The following PLEKHG5 variants were observed in gnomAD, a reference collection of about 807,000 sequenced individuals.
The protein encoded by PLEKHG5 is pleckstrin homology domain-containing family G member 5.
In PLEKHG5, 52 loss-of-function variants were observed where a neutral mutation model predicts 103.8. That is an observed-to-expected ratio of 0.50 (90% CI 0.40 to 0.63). The LOEUF is 0.63. Ranked by LOEUF, PLEKHG5 falls within the 30% of genes least tolerant of loss-of-function variation. The pLI is 0.00. For missense variants in PLEKHG5, 1,205 were observed against 1,347.6 expected (o/e 0.89, Z 1.66); for synonymous variants, 592 against 575.5 (o/e 1.03, Z -0.41).
intron 19 of PLEKHG5, 48 bp downstream of exon 19, chr1:6,468,994 G>C: frequency 6.7e-7 from 1 of 1,493,126 alleles, no homozygotes; most frequent in Non-Finnish European, 9.3e-7. Flanking sequence ...TCCTGGGCTA[G>C]AGTACTTGTC....
chr1:6,496,636 C>G, upstream of PLEKHG5: 1 of 1,213,444 alleles, frequency 8.2e-7, no homozygotes, highest in Non-Finnish European at 1.1e-6. Context: ...CCACTGGCCT[C>G]CCAACCGGAG....
chr1:6,471,659 G>A, intron 11 of PLEKHG5, 22 bp from the exon 12 acceptor site: 4 of 1,569,802 alleles, frequency 2.5e-6, no homozygotes, highest in Non-Finnish European at 3.5e-6. Flanking sequence ...GGGAGGTGCG[G>A]TTGGCCACGC....
upstream of PLEKHG5, among the ~76,000 whole-genome samples, chr1:6,495,070 G>A (rs1040296577): frequency 1.3e-5 from 2 of 152,212 alleles, no homozygotes; most frequent in Admixed American, 1.3e-4. Flanking sequence ...CTGCCCAGAG[G>A]AGGGGCTGGG....
upstream of PLEKHG5, among the ~76,000 whole-genome samples, chr1:6,492,535 T>TC (rs1645165763): frequency 6.6e-6 from 1 of 152,086 alleles, no homozygotes; most frequent in African/African-American, 2.4e-5. Context: ...AGGTCTCAGA[T>TC]CCCAGGGCAG....
upstream of PLEKHG5, among the ~76,000 whole-genome samples, chr1:6,497,816 C>T (rs1358684366): frequency 6.6e-6 from 1 of 152,240 alleles, no homozygotes; most frequent in Non-Finnish European, 1.5e-5. This position sits in a 1 kb window ranked among gnomAD's most constrained non-coding sequence, Gnocchi z 6.1. Context: ...TGCCACGGCT[C>T]TTGCTGCATG....
chr1:6,489,095 G>C (rs1645095843), intron 1 of PLEKHG5, among the ~76,000 whole-genome samples: 1 of 152,194 alleles, frequency 6.6e-6, no homozygotes, highest in Non-Finnish European at 1.5e-5. Flanking sequence ...GACGGGCCTG[G>C]AACCAGGAGT....
intron 1 of PLEKHG5, among the ~76,000 whole-genome samples, chr1:6,478,962 A>C (rs990864566): frequency 2.6e-5 from 4 of 151,802 alleles, no homozygotes; most frequent in Non-Finnish European, 5.9e-5. Flanking sequence ...AAATATTTCA[A>C]ACCTACCAAA....
intron 1 of PLEKHG5, among the ~76,000 whole-genome samples, chr1:6,517,691 C>T (rs1557775268): frequency 6.6e-6 from 1 of 152,170 alleles, no homozygotes; most frequent in African/African-American, 2.4e-5. Context: ...TCGCTGTCAG[C>T]TTCATAAATC....
chr1:6,468,456 A>G lies in PLEKHG5; in HGVS notation c.2380T>C (p.Ser794Pro), dbSNP rs1644463697. Residue 794 changes from serine (S) to proline (P), a missense_variant, in exon 20 of 21, where the codon TCA becomes CCA. By Grantham distance (74) the Ser-to-Pro change is moderately conservative (BLOSUM62 -1). Transcript: ENST00000377728. ...SDETSLSTTA[S>P]SATPTSELLP... ...AGCTCACTGGTGGGCGTGGCAGATG[A>G]GGCAGTGGTGCTGAGAGAGGTCTCA... 1 of 1,612,924 alleles carries G rather than the reference A, an allele frequency of 6.2e-7. No homozygotes were observed. The highest frequency in any genetic ancestry group is 8.5e-7 in the Non-Finnish European group (1 of 1,179,868).
At position 6,474,433 on chromosome 1, in the gene PLEKHG5, G is replaced by T. The variant is rs1030548376; in HGVS notation, c.439+18C>A. The T allele has an allele frequency of 6.2e-7, 1 of 1,613,506 alleles. No homozygotes were observed. Among genetic ancestry groups the T allele is most frequent in the African/African-American group, 1.3e-5 (1 of 75,052 alleles). On this transcript the variant is annotated intron_variant, in intron 6 of 20. Transcript: ENST00000377728. The stretch of plus-strand genomic sequence containing the variant: ...CCGCCAGTCCCAGCGGCCCCATTTG[G>T]CCCAGGCTGCTTCTCACCTTTGACA...
chr1:6,495,971 C>T (rs1027413805), upstream of PLEKHG5, among the ~76,000 whole-genome samples: 1 of 152,222 alleles, frequency 6.6e-6, no homozygotes, highest in African/African-American at 2.4e-5. Flanking sequence ...TACTTCGCCC[C>T]ACTCCCAGCT....
chr1:6,475,101 A>C lies in PLEKHG5; in HGVS notation c.248T>G (p.Leu83Arg), dbSNP rs1644720649. The change falls in exon 5 of 21, where the codon CTG becomes CGG. Residue 83 changes from leucine to arginine, a missense_variant. Coordinates refer to ENST00000377728, the MANE Select transcript of PLEKHG5 (RefSeq NM_020631.6). The stretch of plus-strand genomic sequence containing the variant: ...GATCTCTGTCTCAATGTCCACATTC[A>C]GGTCAAATTTCAGAGTGAAGCATTC... ...SKECFTLKFD[L>R]NVDIETEIVP... 6.2e-7 allele frequency: 1 copy of C among 1,611,730 alleles called. No homozygotes were observed. Among genetic ancestry groups the C allele is most frequent in the Non-Finnish European group, 8.5e-7 (1 of 1,177,868 alleles).
chr1:6,495,049 C>T (rs567968434), upstream of PLEKHG5, among the ~76,000 whole-genome samples: 3 of 152,242 alleles, frequency 2.0e-5, no homozygotes, highest in African/African-American at 7.2e-5. Flanking sequence ...GAGGACCCCC[C>T]CTGAGAGCAG....
At position 6,471,089 on chromosome 1, in the gene PLEKHG5, G is replaced by A. The variant is rs758869678; in HGVS notation, c.1293C>T (p.Leu431=). The change falls in exon 13 of 21, where the codon CTC becomes CTT. Residue 431 remains leucine, a synonymous_variant. Coordinates refer to ENST00000377728, the MANE Select transcript of PLEKHG5 (RefSeq NM_020631.6). ...FLKGFKMFGS[L]FKPYIRYCME... ...TGCAGTAGCGGATGTAGGGCTTGAAGAGCGAGCCGAACTGGCCCGGGGCAG... is the reference window on the plus strand; with the variant it reads ...TGCAGTAGCGGATGTAGGGCTTGAAAAGCGAGCCGAACTGGCCCGGGGCAG... The A allele has an allele frequency of 2.1e-5, 34 of 1,584,548 alleles. No individual in the cohort carries two copies. Among genetic ancestry groups the A allele is most frequent in the Non-Finnish European group, 2.9e-5 (34 of 1,166,700 alleles).
In PLEKHG5 at chr1:6,490,738, G is replaced by A; in HGVS notation, c.-88+899C>T. 1 of 298,422 alleles carries A rather than the reference G, an allele frequency of 3.4e-6. No individual in the cohort carries two copies. Among genetic ancestry groups the A allele is most frequent in the Non-Finnish European group, 4.9e-6 (1 of 202,182 alleles). 18.5% of individuals were successfully genotyped at this position (298,422 alleles called of 1,614,324 possible). A position where few individuals can be genotyped will look rare whatever the true frequency, so the allele number is the denominator to read the frequency against. On this transcript the variant is annotated intron_variant, in intron 1 of 20. Coordinates refer to ENST00000377728, the MANE Select transcript of PLEKHG5 (RefSeq NM_020631.6). The surrounding 1 kb of genome is among the most constrained non-coding windows in gnomAD (Gnocchi z 8.0). The stretch of plus-strand genomic sequence containing the variant: ...CAGGGAGGTGGCTGGAGGCCGGGCG[G>A]TGGCTTGGGGTAATCCAGGATCCGG...
chr1:6,499,210 C>T (rs530965411), upstream of PLEKHG5, among the ~76,000 whole-genome samples: 3 of 152,306 alleles, frequency 2.0e-5, no homozygotes, highest in Admixed American at 6.5e-5. Flanking sequence ...CTGAAGGCTC[C>T]GGGCCATGTC....
At chr1:6,509,524 G>A (rs1035438069) in intron 1 of PLEKHG5, among the ~76,000 whole-genome samples, 1 of 152,188 alleles carries the variant, frequency 6.6e-6, no homozygotes, top group African/African-American at 2.4e-5. Context: ...CCCGGCCATC[G>A]ACCCCCACGC....
rs1027046190 is a variant in PLEKHG5 at position 6,518,846 on chromosome 1, GT to G, written c.-165+598del. On this transcript the variant is annotated intron_variant, in intron 1 of 21. Coordinates refer to the PLEKHG5 transcript ENST00000377740. The stretch of plus-strand genomic sequence containing the variant: ...CCACCAGAGCAACCCTTTGGCATAT[GT>G]TTTTGTTTTTGTTTGAGACGGAGTC... Among the ~76,000 whole-genome samples the G allele has an allele frequency of 6.6e-5, 10 of 152,218 alleles. No homozygotes were observed. In the South Asian group the frequency reaches 8.3e-4, roughly 13 times the overall value.
chr1:6,495,245 G>A (rs1174392193), upstream of PLEKHG5, among the ~76,000 whole-genome samples: 1 of 152,186 alleles, frequency 6.6e-6, no homozygotes, highest in African/African-American at 2.4e-5. Flanking sequence ...CCAATGCCAG[G>A]CACCATCCGT....
Sources: allele counts gnomAD v4.1 joint callset (sites outside exome capture counted in the v4.1 genomes callset), GRCh38; gene constraint gnomAD v4.1.1; non-coding constraint Gnocchi (gnomAD v3.1); transcripts MANE v1.5; gene names NCBI Gene and HGNC (gene_info 2026-07-23, HGNC 2026-07-21).